The following ROBO1 variants were observed in gnomAD, a reference collection of about 807,000 sequenced individuals.
ROBO1 encodes the protein roundabout homolog 1.
ROBO1 carries 149 observed loss-of-function variants against 195.9 expected under a neutral mutation model. That is an observed-to-expected ratio of 0.76 (90% CI 0.67 to 0.87). ROBO1 has a LOEUF of 0.87. Ranked by LOEUF, ROBO1 falls within the 40% of genes least tolerant of loss-of-function variation. ROBO1 has a pLI of 0.00. For missense variants in ROBO1, 1,933 were observed against 2,068.3 expected (o/e 0.93, Z 1.27); for synonymous variants, 816 against 733.2 (o/e 1.11, Z -1.82).
At chr3:79,722,099 T>C (rs1345269004) in intron 1 of ROBO1, among the ~76,000 whole-genome samples, 2 of 152,178 alleles carry the variant, frequency 1.3e-5, no homozygotes, top group Admixed American at 1.3e-4. Context: ...TGGGAAAAGG[T>C]ACTACAGGAA....
At chr3:78,987,805 G>A (rs1010809112) in intron 3 of ROBO1, among the ~76,000 whole-genome samples, 3 of 151,776 alleles carry the variant, frequency 2.0e-5, no homozygotes, top group Non-Finnish European at 4.4e-5. Flanking sequence ...TGAGGTGATG[G>A]ATACCCCCAT....
At chr3:79,547,131 G>A (rs897152219) in intron 2 of ROBO1, among the ~76,000 whole-genome samples, 2 of 131,210 alleles carry the variant, frequency 1.5e-5, no homozygotes, top group Non-Finnish European at 3.1e-5. Context: ...CTTGCAGTGA[G>A]CCGAGATCGT....
chr3:78,712,570 G>T (rs558005001), intron 8 of ROBO1, among the ~76,000 whole-genome samples: 3 of 152,114 alleles, frequency 2.0e-5, no homozygotes, highest in African/African-American at 7.2e-5. Context: ...TAACAGTGAT[G>T]TTAATAGGCA....
intron 3 of ROBO1, among the ~76,000 whole-genome samples, chr3:79,054,697 A>G (rs919974065): frequency 6.6e-5 from 10 of 152,114 alleles, no homozygotes; most frequent in Admixed American, 5.9e-4. Flanking sequence ...AACACGGCCA[A>G]ATGCTGCTGC....
chr3:79,658,799 C>T (rs539221408), intron 1 of ROBO1, among the ~76,000 whole-genome samples: 34 of 151,110 alleles, frequency 2.3e-4, no homozygotes, highest in Admixed American at 1.4e-3. Flanking sequence ...GATGGAGTCT[C>T]GCTCTGTCGC....
intron 2 of ROBO1, among the ~76,000 whole-genome samples, chr3:79,515,323 T>C (rs1940897792): frequency 6.6e-6 from 1 of 152,230 alleles, no homozygotes; most frequent in South Asian, 2.1e-4. Flanking sequence ...ATGGCAGATA[T>C]AATTGCCAAA....
intron 2 of ROBO1, among the ~76,000 whole-genome samples, chr3:79,450,743 A>G (rs956345923): frequency 6.6e-6 from 1 of 151,886 alleles, no homozygotes; most frequent in African/African-American, 2.4e-5. Context: ...ACAATTTTAA[A>G]TAATTTCTTA....
chr3:79,261,944 A>C (rs2082945405), intron 2 of ROBO1, among the ~76,000 whole-genome samples: 1 of 152,082 alleles, frequency 6.6e-6, no homozygotes, highest in South Asian at 2.1e-4. Context: ...AGATTGTAAA[A>C]GACCTTTCTG....
At chr3:78,819,699 T>C (rs1333776437) in intron 4 of ROBO1, among the ~76,000 whole-genome samples, 2 of 152,162 alleles carry the variant, frequency 1.3e-5, no homozygotes, top group African/African-American at 2.4e-5. Flanking sequence ...TACAGCCTTA[T>C]AGTGATAAGG....
chr3:79,502,261 A>T (rs1940117193), intron 2 of ROBO1, among the ~76,000 whole-genome samples: 1 of 152,224 alleles, frequency 6.6e-6, no homozygotes. Flanking sequence ...GTGGAGGGAG[A>T]TGCGCGGGCG....
rs758911707 is a variant in ROBO1, at chr3:78,631,223, A to C, written c.3564T>G (p.Pro1188=). 6.7e-5 allele frequency: 108 copies of C among 1,613,058 alleles called. No individual in the cohort carries two copies. The highest frequency in any genetic ancestry group is 9.1e-5 in the Non-Finnish European group (107 of 1,179,572). ...TGTGTGGAGGAGGATGTGCTGGGGG[A>C]GGAGGAAGCAGGTCTGCCCAGTTCA... ...GGMNWADLLP[P]PPAHPPPHSN... is the part of the protein sequence containing the mutation. The change falls in exon 25 of 31, where the codon CCT becomes CCG. Residue 1188 remains proline (P), a synonymous_variant. Transcript: ENST00000464233.
intron 4 of ROBO1, among the ~76,000 whole-genome samples, chr3:78,820,293 TTATTTTA>T (rs1433729804): frequency 2.6e-5 from 4 of 152,202 alleles, no homozygotes; most frequent in Non-Finnish European, 5.9e-5. Flanking sequence ...TAGCAATTAA[TTATTTTA>T]TATTTAGTCA....
At chr3:78,839,772 C>G (rs575251279) in intron 4 of ROBO1, among the ~76,000 whole-genome samples, 1 of 152,246 alleles carries the variant, frequency 6.6e-6, no homozygotes, top group East Asian at 1.9e-4. Context: ...CAGTTTCTCT[C>G]CTTTGAACTA....
intron 2 of ROBO1, among the ~76,000 whole-genome samples, chr3:79,516,539 A>G (rs758248829): frequency 1.3e-5 from 2 of 152,108 alleles, no homozygotes; most frequent in Non-Finnish European, 2.9e-5. Flanking sequence ...TTACTTTTTA[A>G]CTTTGCCATA....
At chr3:79,523,161 CCACACACACACACACACA>C (rs139825740) in intron 2 of ROBO1, among the ~76,000 whole-genome samples, 2 of 146,268 alleles carry the variant, frequency 1.4e-5, no homozygotes, top group African/African-American at 2.5e-5. Context: ...GCTTCATAAA[CCACACACACACACACACA>C]CACACACACA....
chr3:78,647,711 C>T (rs1706389837), intron 19 of ROBO1, 56 bp from the exon 20 acceptor site: 1 of 1,376,558 alleles, frequency 7.3e-7, no homozygotes, highest in African/African-American at 1.4e-5. Flanking sequence ...AGAAAGGGAA[C>T]ATATCACATT....
At chr3:79,077,784 G>T (rs1038543052) in intron 3 of ROBO1, among the ~76,000 whole-genome samples, 1 of 151,848 alleles carries the variant, frequency 6.6e-6, no homozygotes, top group African/African-American at 2.4e-5. Context: ...AAGTTAAAAA[G>T]ACATGCCAAA....
At chr3:79,141,492 G>T (rs1014581408) in intron 2 of ROBO1, among the ~76,000 whole-genome samples, 1 of 151,892 alleles carries the variant, frequency 6.6e-6, no homozygotes. Context: ...AAGCGCAGTC[G>T]AGGCTTACCC....
intron 2 of ROBO1, among the ~76,000 whole-genome samples, chr3:79,284,964 A>G (rs2031795015): frequency 6.6e-6 from 1 of 152,140 alleles, no homozygotes; most frequent in Non-Finnish European, 1.5e-5. Flanking sequence ...CATTTTAACC[A>G]CATCCGTTTG....
Sources: allele counts gnomAD v4.1 joint callset (sites outside exome capture counted in the v4.1 genomes callset), GRCh38; gene constraint gnomAD v4.1.1; transcripts MANE v1.5; gene names NCBI Gene and HGNC (gene_info 2026-07-23, HGNC 2026-07-21).